The following SLC26A3 variants were observed in gnomAD, a reference collection of about 807,000 sequenced individuals.
The protein encoded by SLC26A3 is chloride anion exchanger.
SLC26A3 carries 64 observed loss-of-function variants against 85.6 expected under a neutral mutation model. The observed-to-expected ratio is 0.75, with a 90% CI of 0.61 to 0.92. The LOEUF is 0.92. Ranked by LOEUF, SLC26A3 falls within the 40% of genes least tolerant of loss-of-function variation. SLC26A3 has a pLI of 0.00. For missense variants in SLC26A3, 922 were observed against 927.3 expected (o/e 0.99, Z 0.07); for synonymous variants, 349 against 336.0 (o/e 1.04, Z -0.42).
At chr7:107,798,879 G>A (rs1794555833) in intron 1 of SLC26A3, among the ~76,000 whole-genome samples, 1 of 152,148 alleles carries the variant, frequency 6.6e-6, no homozygotes, top group South Asian at 2.1e-4. Flanking sequence ...ATTAGTCCTT[G>A]GACAATGGGA....
chr7:107,789,818 C>A, intron 5 of SLC26A3, 130 bp from the exon 6 acceptor site: 6 of 966,854 alleles, frequency 6.2e-6, no homozygotes, highest in Non-Finnish European at 9.3e-6. Context: ...CTTGAAGAAG[C>A]AAATGTCCCT....
chr7:107,786,895 T>G lies in SLC26A3; in HGVS notation c.903A>C (p.Ala301=). ...PIEFIMTVIA[A]GVSYGCDFKN... is the part of the protein sequence containing the mutation. ...TAAAGTCACAGCCGTAGGATACACC[T>G]GCTGCAATCACGGTCTGCAAAGTTG... The change falls in exon 8 of 21, where the codon GCA becomes GCC. Residue 301 remains alanine, a synonymous_variant. Transcript: ENST00000340010. The G allele has an allele frequency of 6.2e-7, 1 of 1,614,054 alleles. No individual in the cohort carries two copies. The highest frequency in any genetic ancestry group is 1.1e-5 in the South Asian group (1 of 91,092).
At chr7:107,769,438 G>C (rs1365068866) in intron 18 of SLC26A3, among the ~76,000 whole-genome samples, 4 of 152,076 alleles carry the variant, frequency 2.6e-5, no homozygotes, top group Admixed American at 1.3e-4. Context: ...CAGGTACATG[G>C]AGTTGGAGGC....
chr7:107,776,200 C>G (rs1794111789), intron 15 of SLC26A3: 6 of 504,952 alleles, frequency 1.2e-5, no homozygotes, highest in South Asian at 4.8e-5. Context: ...ATTTCTTTTA[C>G]TCTACATCAG....
Position 107,765,872 on chromosome 7 carries a change from C to T in SLC26A3, c.2278G>A (p.Val760Ile), listed in dbSNP as rs767995086. 1.9e-6 allele frequency: 3 copies of T among 1,611,336 alleles called. No homozygotes were observed. The South Asian group carries it at 3.3e-5, about 18-fold the overall frequency. Reference sequence around the variant, plus strand: ...TATGTTGATTAGAATTTTGTTTCAACTGGCACCTGGAAGAAGACAGAAAGT... The same window carrying T: ...TATGTTGATTAGAATTTTGTTTCAATTGGCACCTGGAAGAAGACAGAAAGT... ...GLRNRVYEVP[V>I]ETKF The change falls in exon 21 of 21, where the codon GTT becomes ATT. Residue 760 changes from valine (V) to isoleucine (I), a missense_variant. Coordinates refer to ENST00000340010, the MANE Select transcript of SLC26A3 (RefSeq NM_000111.3).
chr7:107,797,060 C>A (rs1271203449), intron 1 of SLC26A3, among the ~76,000 whole-genome samples: 1 of 152,124 alleles, frequency 6.6e-6, no homozygotes, highest in Non-Finnish European at 1.5e-5. Flanking sequence ...ATGGCTATGG[C>A]TGTCTCTTTA....
chr7:107,765,678 A>AATAT lies in SLC26A3; in HGVS notation c.*176_*177insATAT. The AATAT allele has an allele frequency of 1.8e-6, 1 of 548,922 alleles. No individual in the cohort carries two copies. Among genetic ancestry groups the AATAT allele is most frequent in the Non-Finnish European group, 3.3e-6 (1 of 307,536 alleles). 34.0% of individuals were successfully genotyped at this position (548,922 alleles called of 1,614,324 possible). ...GATATAAAATTTAGAATACTTATAT[A>AATAT]ATTTCATACTAGATATGTGAAAAAT... On this transcript the variant is annotated 3_prime_UTR_variant, in exon 21 of 21. Coordinates refer to ENST00000340010, the MANE Select transcript of SLC26A3 (RefSeq NM_000111.3).
At chr7:107,776,133 C>A in intron 15 of SLC26A3, 3 of 381,198 alleles carry the variant, frequency 7.9e-6, no homozygotes, top group South Asian at 2.8e-5. Context: ...AAGTTGATGC[C>A]CAAAGAAAAT....
At chr7:107,794,967 C>A (rs1794471994) in intron 1 of SLC26A3, among the ~76,000 whole-genome samples, 1 of 152,062 alleles carries the variant, frequency 6.6e-6, no homozygotes, top group Non-Finnish European at 1.5e-5. Context: ...TTTTTTATTG[C>A]CCCAACTCCA....
At chr7:107,796,633 G>C (rs1584414247) in intron 1 of SLC26A3, among the ~76,000 whole-genome samples, 1 of 152,020 alleles carries the variant, frequency 6.6e-6, no homozygotes, top group East Asian at 1.9e-4. Context: ...TTTTTTGGCT[G>C]ATTACCAACA....
chr7:107,774,383 C>A (rs895121631), intron 16 of SLC26A3, among the ~76,000 whole-genome samples: 2 of 152,072 alleles, frequency 1.3e-5, no homozygotes, highest in East Asian at 3.9e-4. Flanking sequence ...AAGACTCCAT[C>A]TCTGCAAAAA....
chr7:107,766,709 CATTAA>C (rs1409141691), intron 20 of SLC26A3, among the ~76,000 whole-genome samples: 6 of 152,122 alleles, frequency 3.9e-5, no homozygotes, highest in Admixed American at 3.3e-4. Flanking sequence ...TGAAGACAAT[CATTAA>C]ATTCTTTCTC....
At chr7:107,798,199 T>C (rs1471781419) in intron 1 of SLC26A3, among the ~76,000 whole-genome samples, 1 of 152,194 alleles carries the variant, frequency 6.6e-6, no homozygotes, top group Admixed American at 6.5e-5. Flanking sequence ...CCTACATATC[T>C]TGGTGCTGTG....
In SLC26A3 at chr7:107,783,292, G is replaced by T; in HGVS notation, c.1032C>A (p.Phe344Leu). 1 of 1,614,176 alleles carries T rather than the reference G, an allele frequency of 6.2e-7. No individual in the cohort carries two copies. Residue 344 changes from phenylalanine to leucine, a missense_variant, in exon 9 of 21, where the codon TTC becomes TTA. Physicochemically the swap from Phe to Leu is conservative, Grantham distance 22. Transcript: ENST00000340010. ...CTGCAAATGCAACCATTGCGATGCCGAAGCAATCTCCTACGGTGTTTTGGA... is the reference window on the plus strand; with the variant it reads ...CTGCAAATGCAACCATTGCGATGCCTAAGCAATCTCCTACGGTGTTTTGGA... The part of the protein sequence containing the change: ...ETFQNTVGDC[F>L]GIAMVAFAVA...
chr7:107,778,259 A>G lies in SLC26A3; in HGVS notation c.1430T>C (p.Ile477Thr), dbSNP rs1478181227. The part of the protein sequence containing the change: ...YDCLIWIMTF[I>T]FTIVLGLGLG... The stretch of plus-strand genomic sequence containing the variant: ...CCCGAGTCCCAGGACAATGGTGAAG[A>G]TGAAGGTCATGATCCAAATTAACTG... Residue 477 changes from isoleucine (I) to threonine (T), a missense_variant, in exon 13 of 21, where the codon ATC (isoleucine) becomes ACC (threonine). Transcript: ENST00000340010. The G allele has an allele frequency of 6.2e-7, 1 of 1,612,830 alleles. No individual in the cohort carries two copies.
chr7:107,800,558 T>G (rs1794582134), intron 1 of SLC26A3, among the ~76,000 whole-genome samples: 2 of 152,280 alleles, frequency 1.3e-5, no homozygotes, highest in African/African-American at 4.8e-5. Context: ...ATTATTTGTT[T>G]ATGTTTCTGT....
intron 1 of SLC26A3, among the ~76,000 whole-genome samples, chr7:107,801,794 C>A (rs1308984810): frequency 2.0e-5 from 3 of 151,890 alleles, no homozygotes; most frequent in Non-Finnish European, 4.4e-5. Context: ...TAGGAATAAT[C>A]CTTGGCCGGA....
At chr7:107,789,740 CA>C (rs761702734) in intron 5 of SLC26A3, 52 bp from the exon 6 acceptor site, 2 of 1,557,358 alleles carry the variant, frequency 1.3e-6, no homozygotes, top group Non-Finnish European at 1.8e-6. Context: ...TATACCTCAG[CA>C]AACTCAAGGA....
chr7:107,781,000 G>A lies in SLC26A3; in HGVS notation c.1312-1237C>T, dbSNP rs146876340. Reference sequence around the variant, plus strand: ...TTTTAATTCTCTAAGTATAAAATATGTCAAGAGACACCTGTGCGAAGAGAC... The same window carrying A: ...TTTTAATTCTCTAAGTATAAAATATATCAAGAGACACCTGTGCGAAGAGAC... On this transcript the variant is annotated intron_variant, in intron 11 of 20. Coordinates refer to ENST00000340010, the MANE Select transcript of SLC26A3 (RefSeq NM_000111.3). Among the ~76,000 whole-genome samples, 581 of 152,264 alleles carry A rather than the reference G, an allele frequency of 3.8e-3. 4 individuals carry two copies. The highest frequency in any genetic ancestry group is 0.013 in the African/African-American group (541 of 41,554).
Sources: gnomAD v4.1 joint callset for allele counts (sites outside exome capture counted in the v4.1 genomes callset) on GRCh38, gnomAD v4.1.1 for gene constraint, MANE v1.5 for transcripts, NCBI Gene and HGNC (gene_info 2026-07-23, HGNC 2026-07-21) for gene names.